Variants in KCNH7 observed in about 807,000 individuals in gnomAD.
KCNH7 encodes the protein voltage-gated inwardly rectifying potassium channel KCNH7.
In KCNH7, 49 loss-of-function variants were observed where a neutral mutation model predicts 120.8. The observed-to-expected ratio is 0.41, with a 90% CI of 0.32 to 0.51. KCNH7 has a LOEUF of 0.51. KCNH7 is among the 20% of genes least tolerant of loss of function. The pLI is 0.38. For synonymous variants in KCNH7, 547 were observed against 516.1 expected (o/e 1.06, Z -0.81); for missense variants, 1,097 against 1,446.6 (o/e 0.76, Z 3.92).
chr2:162,575,532 A>G (rs768297564), intron 2 of KCNH7, among the ~76,000 whole-genome samples: 3 of 152,018 alleles, frequency 2.0e-5, no homozygotes, highest in Non-Finnish European at 4.4e-5. Flanking sequence ...TGGATCTCCC[A>G]ATTTCAAATG....
In KCNH7 at chr2:162,721,517, T is replaced by TCAG. The variant is rs546182494; in HGVS notation, c.307+115017_307+115019dup. On this transcript the variant is annotated intron_variant, in intron 2 of 15. Coordinates refer to ENST00000332142, the MANE Select transcript of KCNH7 (RefSeq NM_033272.4). ...TTGTCCCTCAGGTCACTTCCTCTGA[T>TCAG]CAGCAGTCTTATATTACTTGATGTC... 2.0e-4 allele frequency among the ~76,000 whole-genome samples: 31 copies of TCAG among 152,240 alleles called. No individual in the cohort carries two copies. In the South Asian group the frequency reaches 6.0e-3, roughly 30 times the overall value.
intron 2 of KCNH7, among the ~76,000 whole-genome samples, chr2:162,562,268 A>G (rs1693099150): frequency 6.6e-6 from 1 of 152,204 alleles, no homozygotes; most frequent in African/African-American, 2.4e-5. Flanking sequence ...ATCACTTTTT[A>G]ATAAAAATTG....
intron 3 of KCNH7, among the ~76,000 whole-genome samples, chr2:162,534,876 C>T (rs1692055295): frequency 6.6e-6 from 1 of 151,578 alleles, no homozygotes; most frequent in African/African-American, 2.4e-5. Flanking sequence ...GTTAAGAGAA[C>T]CCAACAACAT....
intron 2 of KCNH7, among the ~76,000 whole-genome samples, chr2:162,625,776 T>G (rs1353693711): frequency 6.6e-6 from 1 of 152,008 alleles, no homozygotes; most frequent in Non-Finnish European, 1.5e-5. Flanking sequence ...GAAGCTATAA[T>G]AACAGGAAAT....
intron 2 of KCNH7, among the ~76,000 whole-genome samples, chr2:162,681,061 C>T (rs940447794): frequency 4.0e-5 from 6 of 151,858 alleles, no homozygotes; most frequent in Middle Eastern, 3.4e-3. Flanking sequence ...CGGTGATTAT[C>T]TCTATGGCCT....
At chr2:162,756,887 C>G (rs1362692543) in intron 2 of KCNH7, among the ~76,000 whole-genome samples, 1 of 152,126 alleles carries the variant, frequency 6.6e-6, no homozygotes, top group East Asian at 1.9e-4. Flanking sequence ...CAAAAACAAA[C>G]ATCAATGAAT....
chr2:162,559,922 A>G (rs936240129), intron 2 of KCNH7, among the ~76,000 whole-genome samples: 3 of 152,204 alleles, frequency 2.0e-5, no homozygotes, highest in African/African-American at 7.2e-5. Context: ...ACAAAAATTT[A>G]CTGGGTAACA....
At chr2:162,704,232 C>T (rs1246025675) in intron 2 of KCNH7, among the ~76,000 whole-genome samples, 1 of 151,892 alleles carries the variant, frequency 6.6e-6, no homozygotes, top group Admixed American at 6.6e-5. Context: ...TGTTTTAGTT[C>T]CCCCAGAGAA....
rs1038825551 is a variant in KCNH7, at chr2:162,495,498, C to G, written c.1128+8945G>C. ...AGTTCTATTAAAGCCAATTTAAAAG[C>G]CTATGTTAAATATAACTATTCTTGC... On this transcript the variant is annotated intron_variant, in intron 6 of 15. Transcript: ENST00000332142. 5.9e-5 allele frequency among the ~76,000 whole-genome samples: 9 copies of G among 152,046 alleles called. No homozygotes were observed. The East Asian group carries it at 1.5e-3, about 26-fold the overall frequency.
chr2:162,498,077 G>A (rs1690553786), intron 6 of KCNH7, among the ~76,000 whole-genome samples: 1 of 152,050 alleles, frequency 6.6e-6, no homozygotes, highest in African/African-American at 2.4e-5. Context: ...AATTATACTT[G>A]TGGACTAGTA....
At chr2:162,712,560 C>G (rs1213982309) in intron 2 of KCNH7, among the ~76,000 whole-genome samples, 1 of 152,162 alleles carries the variant, frequency 6.6e-6, no homozygotes. Flanking sequence ...TTGAAACAGA[C>G]AGCTCTCAGA....
intron 2 of KCNH7, among the ~76,000 whole-genome samples, chr2:162,724,667 G>A (rs550206746): frequency 0.013 from 1,396 of 109,462 alleles, 14 homozygotes; most frequent in African/African-American, 0.031. Flanking sequence ...GCGAGACTCC[G>A]TCTCAAAAAA....
chr2:162,728,971 A>C (rs541312050), intron 2 of KCNH7, among the ~76,000 whole-genome samples: 1 of 152,056 alleles, frequency 6.6e-6, no homozygotes, highest in African/African-American at 2.4e-5. Context: ...GTTAGTGTAC[A>C]TGATGTGAAG....
chr2:162,623,327 C>G (rs1287830716), intron 2 of KCNH7, among the ~76,000 whole-genome samples: 3 of 152,050 alleles, frequency 2.0e-5, no homozygotes, highest in Non-Finnish European at 4.4e-5. Context: ...TGTAACTTGC[C>G]TTTTGTTGTC....
intron 2 of KCNH7, among the ~76,000 whole-genome samples, chr2:162,705,840 A>G (rs931627734): frequency 6.6e-6 from 1 of 152,172 alleles, no homozygotes; most frequent in Non-Finnish European, 1.5e-5. Flanking sequence ...AATTTGGAAA[A>G]GACCAAAAAA....
intron 2 of KCNH7, among the ~76,000 whole-genome samples, chr2:162,705,687 AC>A (rs1686675162): frequency 6.6e-6 from 1 of 152,058 alleles, no homozygotes; most frequent in African/African-American, 2.4e-5. Flanking sequence ...GACTGGCAAG[AC>A]CCAACTCAAG....
chr2:162,775,681 C>T (rs1285912158), intron 2 of KCNH7, among the ~76,000 whole-genome samples: 1 of 152,154 alleles, frequency 6.6e-6, no homozygotes. Context: ...TACCAGAAAA[C>T]TCTTTGACCT....
chr2:162,444,523 TG>T (rs963596290), intron 7 of KCNH7, among the ~76,000 whole-genome samples: 2 of 152,140 alleles, frequency 1.3e-5, no homozygotes, highest in African/African-American at 4.8e-5. Flanking sequence ...GATTTTAATT[TG>T]GGGGTAACAC....
intron 6 of KCNH7, among the ~76,000 whole-genome samples, chr2:162,501,047 C>A (rs1690669540): frequency 6.6e-6 from 1 of 151,990 alleles, no homozygotes; most frequent in South Asian, 2.1e-4. Flanking sequence ...GCTATGCCTG[C>A]AGGAGGAAGT....
Sources: allele counts gnomAD v4.1 joint callset (sites outside exome capture counted in the v4.1 genomes callset), GRCh38; gene constraint gnomAD v4.1.1; transcripts MANE v1.5; gene names NCBI Gene and HGNC (gene_info 2026-07-23, HGNC 2026-07-21).